Variants in RIC1 observed in about 807,000 individuals in gnomAD.
RIC1 encodes guanine nucleotide exchange factor subunit RIC1.
A neutral mutation model predicts 169.0 loss-of-function variants in RIC1; 88 were observed. The observed-to-expected ratio is 0.52, with a 90% CI of 0.44 to 0.62. The LOEUF is 0.62. RIC1 is among the 20% of genes least tolerant of loss of function. RIC1 has a pLI of 0.00. For missense variants in RIC1, 1,877 were observed against 1,725.5 expected, an observed-to-expected ratio of 1.09 and a Z score of -1.56; for synonymous variants, 790 against 601.5, an observed-to-expected ratio of 1.31 and a Z score of -4.59.
intron 2 of RIC1, among the ~76,000 whole-genome samples, chr9:5,659,869 G>A: frequency 6.6e-6 from 1 of 152,168 alleles, no homozygotes; most frequent in Non-Finnish European, 1.5e-5. Flanking sequence ...CAGGGTACAT[G>A]TGTAGGATGT....
chr9:5,705,074 A>G (rs761650313), intron 3 of RIC1, among the ~76,000 whole-genome samples: 3 of 151,886 alleles, frequency 2.0e-5, no homozygotes, highest in Non-Finnish European at 4.4e-5. Context: ...GCTTTGCAGT[A>G]GGTTTTGTGA....
intron 17 of RIC1, 48 bp from the exon 18 acceptor site, chr9:5,762,493 C>T: frequency 3.7e-6 from 6 of 1,605,676 alleles, no homozygotes; most frequent in African/African-American, 1.3e-5. Context: ...ATGCGGAAAG[C>T]ATACCGATAC....
chr9:5,675,612 C>G (rs985089862), intron 2 of RIC1, among the ~76,000 whole-genome samples: 1 of 152,116 alleles, frequency 6.6e-6, no homozygotes, highest in Admixed American at 6.6e-5. Flanking sequence ...AAAAGGTAGT[C>G]ACTTAATAAA....
intron 2 of RIC1, among the ~76,000 whole-genome samples, chr9:5,659,291 A>G (rs933162621): frequency 2.6e-5 from 4 of 152,122 alleles, no homozygotes; most frequent in East Asian, 1.9e-4. Context: ...CAGTTTTTAA[A>G]TTACTGTGGC....
rs536304129 is a variant in RIC1, at chr9:5,632,663, A to G, written c.144+3210A>G. The stretch of plus-strand genomic sequence containing the variant: ...GAACTTGACTGGGGGCAGTTGGTAC[A>G]TTTCTGCTAAGGTTATTGTAAAAGG... On this transcript the variant is annotated intron_variant, in intron 1 of 25. Coordinates refer to ENST00000414202, the MANE Select transcript of RIC1 (RefSeq NM_020829.4). Among the ~76,000 whole-genome samples, 7 of 152,258 alleles carry G rather than the reference A, an allele frequency of 4.6e-5. No homozygotes were observed. The East Asian group carries it at 1.2e-3, about 25-fold the overall frequency.
At chr9:5,687,463 C>T (rs750062605) in intron 2 of RIC1, among the ~76,000 whole-genome samples, 35 of 151,914 alleles carry the variant, frequency 2.3e-4, no homozygotes, top group Non-Finnish European at 4.0e-4. Flanking sequence ...TCCTTTTTTT[C>T]TAATATAAGT....
chr9:5,753,451 T>C (rs1411965956), intron 13 of RIC1, 85 bp from the exon 14 acceptor site: 8 of 889,102 alleles, frequency 9.0e-6, no homozygotes, highest in Non-Finnish European at 1.4e-5. Context: ...TAATTGTCTG[T>C]TTGCCTGACA....
chr9:5,676,913 T>A (rs1208088677), intron 2 of RIC1, among the ~76,000 whole-genome samples: 1 of 152,258 alleles, frequency 6.6e-6, no homozygotes, highest in East Asian at 1.9e-4. Flanking sequence ...ACAGTTGGTT[T>A]ATCCATTCAT....
chr9:5,731,091 T>C (rs1824346587), intron 6 of RIC1, among the ~76,000 whole-genome samples: 1 of 152,144 alleles, frequency 6.6e-6, no homozygotes, highest in South Asian at 2.1e-4. Flanking sequence ...CAGCATTGCT[T>C]AATTTTTTTT....
rs1392147096 is a variant in RIC1, at chr9:5,668,289, AG to A, written c.252+11600del. 4.6e-5 allele frequency among the ~76,000 whole-genome samples: 7 copies of A among 152,228 alleles called. No individual in the cohort carries two copies. In the East Asian group the frequency reaches 1.3e-3, roughly 29 times the overall value. On this transcript the variant is annotated intron_variant, in intron 2 of 25. Transcript: ENST00000414202. ...CAAGATGAAATTTGGTTGGGGACAC[AG>A]CCAAACCATATCACTGAGGAACCCT... is the stretch of plus-strand genomic sequence containing the variant.
intron 2 of RIC1, among the ~76,000 whole-genome samples, chr9:5,688,546 T>C (rs1821393690): frequency 6.6e-6 from 1 of 152,212 alleles, no homozygotes; most frequent in Non-Finnish European, 1.5e-5. Flanking sequence ...TGCAAGAACA[T>C]AAAATTGCAC....
intron 1 of RIC1, among the ~76,000 whole-genome samples, chr9:5,634,489 T>C (rs1359783355): frequency 6.6e-6 from 1 of 152,254 alleles, no homozygotes; most frequent in Non-Finnish European, 1.5e-5. Flanking sequence ...ATTGAGCACC[T>C]ATTGGCCATT....
At chr9:5,699,614 G>A (rs1314669277) in intron 3 of RIC1, among the ~76,000 whole-genome samples, 2 of 151,694 alleles carry the variant, frequency 1.3e-5, no homozygotes, top group African/African-American at 4.8e-5. Flanking sequence ...GCAACCTAGT[G>A]TCTCTAGATT....
rs112578547 is a variant in RIC1, at chr9:5,659,062, C to G, written c.252+2372C>G. ...CCCAATTTACCAAAAAGGTTATTTC[C>G]ACAAAAAGAATCTAATTCTCATTAG... On this transcript the variant is annotated intron_variant, in intron 2 of 25. Transcript: ENST00000414202. Among the ~76,000 whole-genome samples, 206 of 152,016 alleles carry G rather than the reference C, an allele frequency of 1.4e-3. 1 individual carries two copies. Among genetic ancestry groups the G allele is most frequent in the African/African-American group, 4.7e-3 (197 of 41,478 alleles).
At chr9:5,649,384 A>G (rs1309924602) in intron 1 of RIC1, among the ~76,000 whole-genome samples, 2 of 152,060 alleles carry the variant, frequency 1.3e-5, no homozygotes, top group African/African-American at 2.4e-5. Context: ...GGCTTTGTTC[A>G]TTCTTATTTA....
chr9:5,682,187 T>C (rs961965333), intron 2 of RIC1, among the ~76,000 whole-genome samples: 3 of 152,202 alleles, frequency 2.0e-5, no homozygotes, highest in African/African-American at 7.2e-5. Context: ...ATGTGTGAAT[T>C]TGATCCTGTC....
At chr9:5,752,317 C>G (rs952504949) in intron 12 of RIC1, among the ~76,000 whole-genome samples, 1 of 152,134 alleles carries the variant, frequency 6.6e-6, no homozygotes, top group African/African-American at 2.4e-5. Flanking sequence ...CTTACATACA[C>G]TCTTTCATGT....
chr9:5,753,159 A>G (rs1288674850), intron 12 of RIC1, 41 bp from the exon 13 acceptor site: 8 of 1,545,808 alleles, frequency 5.2e-6, no homozygotes, highest in Non-Finnish European at 7.2e-6. Context: ...GTTTAAATAT[A>G]TTTCATAAGT....
intron 2 of RIC1, among the ~76,000 whole-genome samples, chr9:5,689,347 G>T (rs749756668): frequency 2.6e-5 from 4 of 151,958 alleles, no homozygotes; most frequent in Admixed American, 2.6e-4. Context: ...CACCGCGCCC[G>T]GCCTACAATT....
Sources: gnomAD v4.1 joint callset for allele counts (sites outside exome capture counted in the v4.1 genomes callset) on GRCh38, gnomAD v4.1.1 for gene constraint, MANE v1.5 for transcripts, NCBI Gene and HGNC (gene_info 2026-07-23, HGNC 2026-07-21) for gene names.